The following ASIC2 variants were observed in gnomAD, a reference collection of about 807,000 sequenced individuals.
ASIC2 encodes the protein acid sensing ion channel subunit 2, also known as acid-sensing ion channel 2.
Under a neutral mutation model 57.3 loss-of-function variants are expected in ASIC2, and 25 were observed. The observed-to-expected ratio is 0.44, with a 90% CI of 0.32 to 0.61. The LOEUF (loss-of-function observed/expected upper bound fraction) is 0.61, where lower values mean the gene tolerates loss of function less well. Among genes scored for constraint, ASIC2 ranks in the 20% least tolerant of loss-of-function variants. The pLI is 0.06. For missense variants in ASIC2, 641 were observed against 738.1 expected (o/e 0.87, Z 1.52); for synonymous variants, 319 against 307.5 (o/e 1.04, Z -0.39).
chr17:33,422,142 C>T (rs1271456861), intron 1 of ASIC2, among the ~76,000 whole-genome samples: 1 of 152,256 alleles, frequency 6.6e-6, no homozygotes, highest in African/African-American at 2.4e-5. Context: ...TCCTGAGCAG[C>T]TGCTTCTGTA....
At chr17:33,354,401 C>T (rs757601769) in intron 1 of ASIC2, among the ~76,000 whole-genome samples, 3 of 152,168 alleles carry the variant, frequency 2.0e-5, no homozygotes, top group Non-Finnish European at 2.9e-5. Context: ...TTCTCACCTC[C>T]ACTGCAGCCA....
chr17:33,770,341 G>T (rs536934800), intron 1 of ASIC2, among the ~76,000 whole-genome samples: 2 of 152,354 alleles, frequency 1.3e-5, no homozygotes, highest in East Asian at 3.9e-4. Flanking sequence ...TAAAGCGAAA[G>T]CTGGCCTCAT....
intron 1 of ASIC2, among the ~76,000 whole-genome samples, chr17:33,883,539 T>C (rs1597915728): frequency 6.6e-6 from 1 of 152,168 alleles, no homozygotes; most frequent in African/African-American, 2.4e-5. Context: ...CCTCATCTAG[T>C]GCCCTGTCTT....
At position 33,577,869 on chromosome 17, in the gene ASIC2, C is replaced by T. The variant is rs765462121; in HGVS notation, c.556-465802G>A. 2.6e-5 allele frequency among the ~76,000 whole-genome samples: 4 copies of T among 152,190 alleles called. No individual in the cohort carries two copies. The South Asian group carries it at 8.3e-4, about 31-fold the overall frequency. ...GCCTCTCCAAAGGAGAGAAGAGAAC[C>T]TTTCCAGTGGCAGCCAGTGGTGTGT... On this transcript the variant is annotated intron_variant, in intron 1 of 9. Transcript: ENST00000359872.
intron 1 of ASIC2, among the ~76,000 whole-genome samples, chr17:33,436,853 C>CTTTTTTTTTTTTT (rs71144877): frequency 7.5e-5 from 5 of 66,614 alleles, no homozygotes; most frequent in Admixed American, 2.1e-4. Context: ...ATTCCAACTT[C>CTTTTTTTTTTTTT]TTTTTTTTTT....
chr17:33,479,300 C>T lies in ASIC2; in HGVS notation c.556-367233G>A, dbSNP rs114619740. 6.4e-3 allele frequency among the ~76,000 whole-genome samples: 978 copies of T among 152,174 alleles called. 8 individuals carry two copies. The highest frequency in any genetic ancestry group is 0.022 in the African/African-American group (918 of 41,510). On this transcript the variant is annotated intron_variant, in intron 1 of 9. Transcript: ENST00000359872. ...ACGCATGAGCCACCACGTCCGGCCC[C>T]TAGGAGCTTTTAAAACCATGTGTTG...
intron 1 of ASIC2, among the ~76,000 whole-genome samples, chr17:33,164,447 T>TGTG (rs3082796): frequency 0.32 from 49,238 of 151,662 alleles, 8,080 homozygotes; most frequent in Admixed American, 0.4. Flanking sequence ...GGTAATTGGA[T>TGTG]GCAGAGTTTC....
At chr17:34,116,023 C>T (rs2097765161) in intron 1 of ASIC2, among the ~76,000 whole-genome samples, 1 of 152,164 alleles carries the variant, frequency 6.6e-6, no homozygotes, top group Admixed American at 6.5e-5. Flanking sequence ...TGATACCCAA[C>T]ATGGAACAGC....
chr17:33,528,186 G>GTGTGTGTGTGTGTGTGTGTGT (rs1567640142), intron 1 of ASIC2, among the ~76,000 whole-genome samples: 27 of 151,704 alleles, frequency 1.8e-4, no homozygotes, highest in South Asian at 4.2e-4. Flanking sequence ...GTGTGTGTGT[G>GTGTGTGTGTGTGTGTGTGTGT]GTTTCCAGCT....
chr17:34,081,793 A>C (rs1047811952), intron 1 of ASIC2, among the ~76,000 whole-genome samples: 2 of 152,190 alleles, frequency 1.3e-5, no homozygotes, highest in Admixed American at 6.5e-5. Context: ...GAACTCTGAC[A>C]ATTTGTTTTA....
chr17:33,705,536 G>A (rs929772933), intron 1 of ASIC2, among the ~76,000 whole-genome samples: 3 of 152,146 alleles, frequency 2.0e-5, no homozygotes, highest in Non-Finnish European at 4.4e-5. Context: ...TAAGAGGAAG[G>A]CAGACAGAGA....
At chr17:33,764,232 G>T (rs556878788) in intron 1 of ASIC2, among the ~76,000 whole-genome samples, 3 of 152,004 alleles carry the variant, frequency 2.0e-5, no homozygotes, top group African/African-American at 2.4e-5. Flanking sequence ...AAGGAGAATG[G>T]TGTGAACTCA....
chr17:33,513,787 G>A (rs1259516609), intron 1 of ASIC2, among the ~76,000 whole-genome samples: 1 of 152,210 alleles, frequency 6.6e-6, no homozygotes, highest in African/African-American at 2.4e-5. Flanking sequence ...CCTTGCCCAG[G>A]TTCAAAGGCG....
At chr17:33,819,607 G>A (rs1432077393) in intron 1 of ASIC2, among the ~76,000 whole-genome samples, 2 of 152,230 alleles carry the variant, frequency 1.3e-5, no homozygotes, top group Non-Finnish European at 2.9e-5. Flanking sequence ...TGCAACATCA[G>A]GGATCATTGC....
chr17:33,844,622 C>T (rs73288618), intron 1 of ASIC2, among the ~76,000 whole-genome samples: 3,035 of 152,250 alleles, frequency 0.02, 89 homozygotes, highest in African/African-American at 0.069. Context: ...GGAGAGTAAC[C>T]GGTCTTCAAA....
intron 1 of ASIC2, among the ~76,000 whole-genome samples, chr17:33,867,583 G>T (rs1463609788): frequency 6.6e-6 from 1 of 152,180 alleles, no homozygotes; most frequent in Non-Finnish European, 1.5e-5. Context: ...GGCTATGAGG[G>T]TTATCACAGA....
chr17:33,171,573 A>G (rs1256571689), intron 1 of ASIC2, among the ~76,000 whole-genome samples: 2 of 152,074 alleles, frequency 1.3e-5, no homozygotes, highest in Admixed American at 1.3e-4. Context: ...CCATTACTCA[A>G]CTCAGGCACC....
chr17:33,689,817 A>G (rs1908311240), intron 1 of ASIC2, among the ~76,000 whole-genome samples: 1 of 152,240 alleles, frequency 6.6e-6, no homozygotes, highest in Non-Finnish European at 1.5e-5. Context: ...CACAGAGCAG[A>G]AGGCCATGTG....
At chr17:33,187,893 A>G (rs319783) in intron 1 of ASIC2, among the ~76,000 whole-genome samples, 48,610 of 147,506 alleles carry the variant, frequency 0.33, 8,982 homozygotes, top group Non-Finnish European at 0.44. Context: ...CCAATCAAAA[A>G]TGGTCAGGGA....
Sources: gnomAD v4.1 joint callset for allele counts (sites outside exome capture counted in the v4.1 genomes callset) on GRCh38, gnomAD v4.1.1 for gene constraint, MANE v1.5 for transcripts, NCBI Gene and HGNC (gene_info 2026-07-23, HGNC 2026-07-21) for gene names.